Variants in IGFN1 observed in about 807,000 individuals in gnomAD.
The protein encoded by IGFN1 is immunoglobulin-like and fibronectin type III domain-containing protein 1.
A neutral mutation model predicts 289.5 loss-of-function variants in IGFN1; 253 were observed. The ratio of observed to expected loss-of-function variants is 0.87; its 90% CI spans 0.79 to 0.97. The LOEUF (loss-of-function observed/expected upper bound fraction) is 0.97. Ranked by LOEUF, IGFN1 falls within the 50% of genes least tolerant of loss-of-function variation. The pLI, the probability that IGFN1 is intolerant of heterozygous loss-of-function variation, is 0.00. For missense variants in IGFN1, 4,470 were observed against 4,686.1 expected, an observed-to-expected ratio of 0.95 and a Z score of 1.35; for synonymous variants, 1,706 against 1,788.5, an observed-to-expected ratio of 0.95 and a Z score of 1.16.
At chr1:201,193,049 G>A (rs1359764308) in intron 1 of IGFN1, among the ~76,000 whole-genome samples, 198 bp from the exon 2 acceptor site, 2 of 152,060 alleles carry the variant, frequency 1.3e-5, no homozygotes, top group African/African-American at 4.8e-5. Context: ...CCACTCCCTG[G>A]TCTCTGGGAA....
chr1:201,201,977 G>A (rs114995806), intron 9 of IGFN1, 145 bp downstream of exon 9: 9 of 615,374 alleles, frequency 1.5e-5, no homozygotes, highest in Non-Finnish European at 2.3e-5. Context: ...GGAGTTCCTG[G>A]CTGGACCTGG....
At chr1:201,205,002 C>A in intron 10 of IGFN1, 80 bp from the exon 11 acceptor site, 5 of 1,404,982 alleles carry the variant, frequency 3.6e-6, no homozygotes, top group Non-Finnish European at 4.8e-6. Context: ...GCCAGGATTT[C>A]TGAATGGCCA....
At position 201,215,730 on chromosome 1, in the gene IGFN1, A is replaced by C; in HGVS notation, c.9187A>C (p.Thr3063Pro). The C allele has an allele frequency of 6.2e-7, 1 of 1,612,128 alleles. No individual in the cohort carries two copies. The highest frequency in any genetic ancestry group is 8.5e-7 in the Non-Finnish European group (1 of 1,179,130). ...EAQVDLGDGY[T>P]RLCLPSAGRK... ...CCAGGTGGACCTGGGGGATGGCTACACGCGGCTGTGCCTCCCCAGCGCAGG... is the reference window on the plus strand; with the variant it reads ...CCAGGTGGACCTGGGGGATGGCTACCCGCGGCTGTGCCTCCCCAGCGCAGG... Residue 3063 changes from threonine (T) to proline (P), a missense_variant, in exon 15 of 24, where the codon ACG (threonine) becomes CCG (proline). Thr to Pro is a conservative substitution (Grantham distance 38). Transcript: ENST00000335211.
chr1:201,215,281 A>G (rs1571477912), intron 14 of IGFN1, 127 bp downstream of exon 14: 5 of 1,109,940 alleles, frequency 4.5e-6, no homozygotes, highest in Non-Finnish European at 6.3e-6. Context: ...TCTCATCCCC[A>G]GAGAAGATGA....
intron 23 of IGFN1, 43 bp from the exon 24 acceptor site, chr1:201,228,343 T>G: frequency 6.2e-7 from 1 of 1,604,952 alleles, no homozygotes; most frequent in East Asian, 2.2e-5. Context: ...CAGGGTGGGG[T>G]GGCTGCCCCT....
In IGFN1 at chr1:201,212,704, T is replaced by C; in HGVS notation, c.7811T>C (p.Met2604Thr). The change falls in exon 12 of 24, where the codon ATG becomes ACG. Residue 2604 changes from methionine to threonine, a missense_variant. This residue lies in a region of IGFN1 where 2,218 missense variants were observed against 2,114.1 expected (regional missense o/e 1.05). Transcript: ENST00000335211. ...GTGQDLDSGSMPGGRGKSTSG... is the reference protein window; with the variant it reads ...GTGQDLDSGSTPGGRGKSTSG... ...GGTCAGGATCTGGACAGCGGCTCTA[T>C]GCCTGGGGGAAGGGGCAAGTCAACA... 1 of 1,550,098 alleles carries C rather than the reference T, an allele frequency of 6.5e-7. No homozygotes were observed. The highest frequency in any genetic ancestry group is 1.4e-5 in the African/African-American group (1 of 73,110).
chr1:201,213,305 G>A lies in IGFN1; in HGVS notation c.8412G>A (p.Glu2804=). 6.4e-7 allele frequency: 1 copy of A among 1,571,288 alleles called. No homozygotes were observed. Among genetic ancestry groups the A allele is most frequent in the Non-Finnish European group, 8.6e-7 (1 of 1,158,406 alleles). Residue 2804 remains glutamate (E), a synonymous_variant, in exon 12 of 24, where the codon GAG becomes GAA. Transcript: ENST00000335211. ...AGGATGAAGGGCAGGGAGTGGAAGA[G>A]GCTGGGAGGTCAGGCAGGAGGCCTG... The part of the protein sequence containing the change: ...LKEDEGQGVE[E]AGRSGRRPGS...
chr1:201,203,933 G>A, intron 10 of IGFN1, 27 bp downstream of exon 10: 2 of 1,534,872 alleles, frequency 1.3e-6, no homozygotes, highest in South Asian at 2.4e-5. Context: ...GCCGAAGTTG[G>A]AGTTGGGGAG....
In IGFN1 at chr1:201,195,826, C is replaced by A. The variant is rs1161924173; in HGVS notation, c.128-13C>A. 1 of 1,550,818 alleles carries A rather than the reference C, an allele frequency of 6.4e-7. No homozygotes were observed. Among genetic ancestry groups the A allele is most frequent in the Admixed American group, 2.0e-5 (1 of 50,934 alleles). ...AACTTGTCAGTCTCCCTACTCGTCT[C>A]TTCCTGCTGCAGGGAAAAATGCTGT... On this transcript the variant is annotated splice_polypyrimidine_tract_variant and intron_variant, in intron 3 of 23. Transcript: ENST00000335211.
At chr1:201,218,805 G>A in intron 18 of IGFN1, 147 bp downstream of exon 18, 1 of 794,844 alleles carries the variant, frequency 1.3e-6, no homozygotes, top group African/African-American at 1.7e-5. Flanking sequence ...AAAATCAAAA[G>A]GCCTCTCGGG....
rs2102333405 is a variant in IGFN1 at position 201,206,490 on chromosome 1, T to C, written c.1597T>C (p.Leu533=). 1.3e-6 allele frequency: 2 copies of C among 1,550,978 alleles called. No individual in the cohort carries two copies. Among genetic ancestry groups the C allele is most frequent in the Non-Finnish European group, 1.7e-6 (2 of 1,146,908 alleles). ...HLQGESSESG[L]GLPEKQQQDR... is the part of the protein sequence containing the mutation. Reference sequence around the variant, plus strand: ...ACAGGGAGAGAGCTCAGAATCAGGGTTGGGCCTCCCAGAAAAACAACAGCA... The same window carrying C: ...ACAGGGAGAGAGCTCAGAATCAGGGCTGGGCCTCCCAGAAAAACAACAGCA... Residue 533 remains leucine, a synonymous_variant, in exon 12 of 24, where the codon TTG becomes CTG. Transcript: ENST00000335211.
At chr1:201,195,053 A>G (rs967236274) in intron 3 of IGFN1, among the ~76,000 whole-genome samples, 8 of 152,098 alleles carry the variant, frequency 5.3e-5, no homozygotes, top group African/African-American at 1.7e-4. Context: ...CCTGTGTCTC[A>G]GCACCGGATC....
rs755606455 is a variant in IGFN1 at position 201,214,293 on chromosome 1, G to T, written c.8845G>T (p.Gly2949Cys). Reference sequence around the variant, plus strand: ...GGGACCTGGCACCTGGTTTAAGGATGGCGTCAAGGTACTGCCTCCCCTCAC... The same window carrying T: ...GGGACCTGGCACCTGGTTTAAGGATTGCGTCAAGGTACTGCCTCCCCTCAC... ...DLGPGTWFKD[G>C]VKLTTQDGVI... Residue 2949 changes from glycine to cysteine, a missense_variant, in exon 13 of 24, where the codon GGC becomes TGC. Transcript: ENST00000335211. 6.2e-7 allele frequency: 1 copy of T among 1,610,308 alleles called. No individual in the cohort carries two copies. Among genetic ancestry groups the T allele is most frequent in the East Asian group, 2.2e-5 (1 of 44,758 alleles).
At position 201,208,804 on chromosome 1, in the gene IGFN1, C is replaced by G. The variant is rs1389005303; in HGVS notation, c.3911C>G (p.Ala1304Gly). 1 of 1,535,950 alleles carries G rather than the reference C, an allele frequency of 6.5e-7. No homozygotes were observed. The highest frequency in any genetic ancestry group is 1.4e-5 in the African/African-American group (1 of 72,760). Residue 1304 changes from alanine to glycine, a missense_variant, in exon 12 of 24, where the codon GCA becomes GGA. This residue lies in a region of IGFN1 where 2,011 missense variants were observed against 1,953.4 expected (regional missense o/e 1.03). Transcript: ENST00000335211. ...GAGAATATGGGTTCGGGGAGCAAGG[C>G]AGATTATAGGGATGGTGTAGGGGGT... ...APENMGSGSK[A>G]DYRDGVGGSG...
rs770084386 is a variant in IGFN1, at chr1:201,199,922, A to T, written c.458+268A>T. ...TTGCAAAATGTGGTGGTCCACCAGAACAATGATGTACTTTTTTTTTTTAAG... is the reference window on the plus strand; with the variant it reads ...TTGCAAAATGTGGTGGTCCACCAGATCAATGATGTACTTTTTTTTTTTAAG... On this transcript the variant is annotated intron_variant, in intron 7 of 23. Coordinates refer to ENST00000335211, the MANE Select transcript of IGFN1 (RefSeq NM_001164586.2). Among the ~76,000 whole-genome samples the T allele has an allele frequency of 1.4e-3, 212 of 148,780 alleles. 1 individual carries two copies. The highest frequency in any genetic ancestry group is 2.3e-3 in the Non-Finnish European group (155 of 67,220).
chr1:201,217,639 G>A (rs1189853798), intron 17 of IGFN1, among the ~76,000 whole-genome samples, 179 bp downstream of exon 17: 1 of 152,176 alleles, frequency 6.6e-6, no homozygotes, highest in Non-Finnish European at 1.5e-5. Context: ...GGCATCTAGT[G>A]CAAAGAGGTC....
intron 9 of IGFN1, among the ~76,000 whole-genome samples, chr1:201,202,722 TC>T: frequency 1.2e-5 from 1 of 81,838 alleles, no homozygotes; most frequent in African/African-American, 5.0e-5. Flanking sequence ...TCTTCCTCCC[TC>T]CCTCCCTCCC....
At position 201,216,473 on chromosome 1, in the gene IGFN1, A is replaced by G. The variant is rs1357703170; in HGVS notation, c.9315A>G (p.Gln3105=). ...CCCCAGACAAGCCTGATCCCCCACA[A>G]GGCCCCATGGAGGTTCAGGATTGCC... is the stretch of plus-strand genomic sequence containing the variant. ...LQVIDKPDPP[Q]GPMEVQDCHR... Residue 3105 remains glutamine (Q), a synonymous_variant, in exon 16 of 24, where the codon CAA becomes CAG. Coordinates refer to ENST00000335211, the MANE Select transcript of IGFN1 (RefSeq NM_001164586.2). 1 of 1,579,234 alleles carries G rather than the reference A, an allele frequency of 6.3e-7. No individual in the cohort carries two copies. The highest frequency in any genetic ancestry group is 1.8e-5 in the Admixed American group (1 of 56,956).
rs773106959 is a variant in IGFN1 at position 201,212,748 on chromosome 1, C to T, written c.7855C>T (p.Gln2619Ter). 15 of 1,551,416 alleles carry T rather than the reference C, an allele frequency of 9.7e-6. No homozygotes were observed. The highest frequency in any genetic ancestry group is 1.0e-5 in the Non-Finnish European group (12 of 1,146,920). The change falls in exon 12 of 24, where the codon CAA becomes TAA. Residue 2619 changes from glutamine (Q) to a stop codon, truncating the protein, a stop_gained. Transcript: ENST00000335211. LOFTEE classifies it high-confidence loss of function. ...GTCAACATCAGGGCCTGCTGATAGA[C>T]AAGGGACGAGCAATGCTTGGGCTCC... ...GKSTSGPADR[Q>*]GTSNAWAPDW...
Sources: gnomAD v4.1 joint callset for allele counts (sites outside exome capture counted in the v4.1 genomes callset) on GRCh38, gnomAD v4.1.1 for gene constraint, gnomAD v4.1.1 regional missense constraint, MANE v1.5 for transcripts, NCBI Gene and HGNC (gene_info 2026-07-23, HGNC 2026-07-21) for gene names.